Variants in NKAIN3 observed in about 807,000 individuals in gnomAD.
The protein encoded by NKAIN3 is sodium/potassium transporting ATPase interacting 3, also known as sodium/potassium-transporting ATPase subunit beta-1-interacting protein 3.
Under a neutral mutation model 30.2 loss-of-function variants are expected in NKAIN3, and 25 were observed. The ratio of observed to expected loss-of-function variants is 0.83; its 90% CI spans 0.60 to 1.16. The LOEUF is 1.16. Ranked by LOEUF, NKAIN3 falls within the 50% of genes most tolerant of loss-of-function variation. The pLI, the probability that NKAIN3 is intolerant of heterozygous loss-of-function variation, is 0.00. For synonymous variants in NKAIN3, 91 were observed against 89.6 expected (o/e 1.02, Z -0.09); for missense variants, 225 against 254.1 (o/e 0.89, Z 0.78).
At chr8:62,790,037 G>A (rs1217140687) in intron 4 of NKAIN3, among the ~76,000 whole-genome samples, 5 of 152,154 alleles carry the variant, frequency 3.3e-5, no homozygotes, top group Non-Finnish European at 7.4e-5. Flanking sequence ...CAATATCCTT[G>A]ATGAACATTG....
chr8:62,952,906 T>G (rs1395339355), intron 5 of NKAIN3, among the ~76,000 whole-genome samples: 1 of 152,292 alleles, frequency 6.6e-6, no homozygotes, highest in South Asian at 2.1e-4. Flanking sequence ...AACTGTATTT[T>G]CTGCACCAGA....
At chr8:62,630,039 C>T (rs1214413683) in intron 3 of NKAIN3, among the ~76,000 whole-genome samples, 3 of 151,950 alleles carry the variant, frequency 2.0e-5, no homozygotes. Flanking sequence ...AAGAGAGAAC[C>T]ACATTCACAT....
chr8:62,881,562 A>G (rs771984356), intron 4 of NKAIN3, among the ~76,000 whole-genome samples: 1 of 152,198 alleles, frequency 6.6e-6, no homozygotes, highest in Non-Finnish European at 1.5e-5. Flanking sequence ...GAACCCAGCA[A>G]TAGTCTTCGT....
Position 62,949,704 on chromosome 8 carries a change from C to T in NKAIN3, c.533-4198C>T, listed in dbSNP as rs143406899. Among the ~76,000 whole-genome samples, 8 of 149,078 alleles carry T rather than the reference C, an allele frequency of 5.4e-5. No individual in the cohort carries two copies. In the East Asian group the frequency reaches 1.6e-3, roughly 29 times the overall value. On this transcript the variant is annotated intron_variant, in intron 5 of 6. Coordinates refer to ENST00000623646, the MANE Select transcript of NKAIN3 (RefSeq NM_001304533.3). ...GGCTGGCTTTTCTGGATAGTTGATG[C>T]CAACCCTTAATTGTGTTGCTTTTTT... is the stretch of plus-strand genomic sequence containing the variant.
At chr8:62,677,854 C>G (rs1184635609) in intron 3 of NKAIN3, among the ~76,000 whole-genome samples, 1 of 152,178 alleles carries the variant, frequency 6.6e-6, no homozygotes, top group Non-Finnish European at 1.5e-5. Context: ...AGATGTACCC[C>G]TAACATTGGG....
intron 1 of NKAIN3, among the ~76,000 whole-genome samples, chr8:62,410,579 A>G (rs987895985): frequency 2.0e-5 from 3 of 152,146 alleles, no homozygotes; most frequent in African/African-American, 7.2e-5. Flanking sequence ...GGTACTTTGG[A>G]AAAAAACAAA....
Position 62,303,279 on chromosome 8 carries a change from G to A in NKAIN3, c.54+54152G>A, listed in dbSNP as rs776266922. Among the ~76,000 whole-genome samples the A allele has an allele frequency of 1.9e-4, 28 of 150,326 alleles. 1 individual carries two copies. Among genetic ancestry groups the A allele is most frequent in the Middle Eastern group, 6.3e-3 (2 of 316 alleles). ...TGATCCACAGTGTGAGCAAATTTCC[G>A]CATTCTAATTTCCTAAGGTTGTCAC... On this transcript the variant is annotated intron_variant, in intron 1 of 6. Coordinates refer to ENST00000623646, the MANE Select transcript of NKAIN3 (RefSeq NM_001304533.3).
At position 62,630,864 on chromosome 8, in the gene NKAIN3, T is replaced by C. The variant is rs553784070; in HGVS notation, c.273+41070T>C. Among the ~76,000 whole-genome samples the C allele has an allele frequency of 7.9e-5, 12 of 152,292 alleles. No individual in the cohort carries two copies. In the South Asian group the frequency reaches 2.5e-3, roughly 32 times the overall value. On this transcript the variant is annotated intron_variant, in intron 3 of 6. Coordinates refer to ENST00000623646, the MANE Select transcript of NKAIN3 (RefSeq NM_001304533.3). ...TCATCTGTTTTTCTCCCCCAACTGC[T>C]AGATCTTTCTTTTCATCATATAAAC... is the stretch of plus-strand genomic sequence containing the variant.
intron 4 of NKAIN3, among the ~76,000 whole-genome samples, chr8:62,846,562 T>C (rs1370783922): frequency 1.3e-5 from 2 of 152,130 alleles, no homozygotes; most frequent in Non-Finnish European, 2.9e-5. Context: ...CTCCCACTTA[T>C]AAGTCAGAAC....
intron 1 of NKAIN3, among the ~76,000 whole-genome samples, chr8:62,501,700 C>T (rs1807456285): frequency 6.6e-6 from 1 of 152,168 alleles, no homozygotes; most frequent in Non-Finnish European, 1.5e-5. Flanking sequence ...CTATGGTACC[C>T]TAAATGTTTG....
intron 3 of NKAIN3, among the ~76,000 whole-genome samples, chr8:62,627,420 G>T (rs1185394473): frequency 6.6e-6 from 1 of 152,022 alleles, no homozygotes; most frequent in African/African-American, 2.4e-5. Flanking sequence ...GACCTGGCTG[G>T]GACCAGGGAT....
At chr8:62,300,693 G>A (rs1000115759) in intron 1 of NKAIN3, among the ~76,000 whole-genome samples, 6 of 152,026 alleles carry the variant, frequency 3.9e-5, no homozygotes, top group African/African-American at 1.4e-4. Context: ...GTGAAAAAAT[G>A]GAAAAACACA....
chr8:62,868,792 G>A (rs1820502968), intron 4 of NKAIN3, among the ~76,000 whole-genome samples: 2 of 152,142 alleles, frequency 1.3e-5, no homozygotes, highest in Admixed American at 6.5e-5. Flanking sequence ...GGCTGTCATC[G>A]GAGGCCCTGC....
chr8:62,685,317 G>GA (rs557408261), intron 3 of NKAIN3, among the ~76,000 whole-genome samples: 1 of 152,042 alleles, frequency 6.6e-6, no homozygotes, highest in Non-Finnish European at 1.5e-5. Context: ...ACTTGGTTTA[G>GA]AAAAAAATGA....
At chr8:62,253,840 C>T (rs1412128711) in intron 1 of NKAIN3, among the ~76,000 whole-genome samples, 2 of 152,198 alleles carry the variant, frequency 1.3e-5, no homozygotes, top group Non-Finnish European at 2.9e-5. Flanking sequence ...TATTGGACAG[C>T]GAATGCTGAA....
At chr8:62,466,740 T>C (rs16928969) in intron 1 of NKAIN3, among the ~76,000 whole-genome samples, 1 of 152,248 alleles carries the variant, frequency 6.6e-6, no homozygotes, top group Admixed American at 6.5e-5. Flanking sequence ...TAAACTTAGG[T>C]CTTAAAAGCC....
chr8:62,506,476 C>CTTTCTTTCTTTTT (rs71559373), intron 1 of NKAIN3, among the ~76,000 whole-genome samples: 1,488 of 98,392 alleles, frequency 0.015, 84 homozygotes, highest in South Asian at 0.082. Context: ...TTCTTTCTTT[C>CTTTCTTTCTTTTT]TTTTTTTTTT....
At chr8:62,929,122 G>T (rs62508064) in intron 5 of NKAIN3, among the ~76,000 whole-genome samples, 10,840 of 152,256 alleles carry the variant, frequency 0.071, 493 homozygotes, top group South Asian at 0.15. Context: ...AGCATGCAGG[G>T]AATCACTTAC....
intron 1 of NKAIN3, chr8:62,483,384 TC>T: frequency 9.4e-6 from 2 of 212,270 alleles, no homozygotes; most frequent in Non-Finnish European, 2.0e-5. Flanking sequence ...CAGGTCGCTT[TC>T]CCCATGTTTC....
Sources: gnomAD v4.1 joint callset for allele counts (sites outside exome capture counted in the v4.1 genomes callset) on GRCh38, gnomAD v4.1.1 for gene constraint, MANE v1.5 for transcripts, NCBI Gene and HGNC (gene_info 2026-07-23, HGNC 2026-07-21) for gene names.